The following OPRD1 variants were observed in gnomAD, a reference collection of about 807,000 sequenced individuals.
The protein encoded by OPRD1 is delta-type opioid receptor.
Under a neutral mutation model 17.5 loss-of-function variants are expected in OPRD1, and 19 were observed. The ratio of observed to expected loss-of-function variants is 1.09; its 90% CI spans 0.76 to 1.60. The LOEUF (loss-of-function observed/expected upper bound fraction) is 1.60, where lower values mean the gene tolerates loss of function less well. OPRD1 is among the 40% of genes most tolerant of loss of function. OPRD1 has a pLI of 0.00. For synonymous variants in OPRD1, 256 were observed against 240.9 expected, an observed-to-expected ratio of 1.06 and a Z score of -0.58; for missense variants, 483 against 547.2, an observed-to-expected ratio of 0.88 and a Z score of 1.17.
chr1:28,855,034 G>A (rs958921028), intron 1 of OPRD1, among the ~76,000 whole-genome samples: 1 of 152,086 alleles, frequency 6.6e-6, no homozygotes, highest in African/African-American at 2.4e-5. Flanking sequence ...TGGCTTCAGG[G>A]AACTTACATG....
At chr1:28,833,002 T>C (rs2088821506) in intron 1 of OPRD1, among the ~76,000 whole-genome samples, 1 of 152,160 alleles carries the variant, frequency 6.6e-6, no homozygotes, top group Admixed American at 6.5e-5. Context: ...AGCTGGCAGA[T>C]GGTGAGGACT....
Position 28,843,076 on chromosome 1 carries a change from C to T in OPRD1, c.228-15878C>T, listed in dbSNP as rs2088908269. 3.3e-5 allele frequency among the ~76,000 whole-genome samples: 5 copies of T among 152,140 alleles called. No homozygotes were observed. In the South Asian group the frequency reaches 1.0e-3, roughly 32 times the overall value. On this transcript the variant is annotated intron_variant, in intron 1 of 2. Transcript: ENST00000234961. ...ATGCTGCACGCTTTCACACGTGCGG[C>T]TCCTAGAAAGCATCATTACACTGAA...
intron 1 of OPRD1, among the ~76,000 whole-genome samples, chr1:28,854,563 GA>G (rs1233276821): frequency 6.6e-6 from 1 of 152,170 alleles, no homozygotes; most frequent in African/African-American, 2.4e-5. Flanking sequence ...CGTGGGTGAT[GA>G]ATTGTGGGAG....
intron 1 of OPRD1, among the ~76,000 whole-genome samples, chr1:28,817,267 A>G (rs938009526): frequency 1.3e-5 from 2 of 152,138 alleles, no homozygotes; most frequent in African/African-American, 4.8e-5. Flanking sequence ...TAATAGTACT[A>G]TCTCATAGGT....
Position 28,865,086 on chromosome 1 carries a change from T to A in OPRD1, c.*1803T>A, listed in dbSNP as rs984867663. 2 of 151,596 alleles carry A rather than the reference T, an allele frequency of 1.3e-5. No homozygotes were observed. Among genetic ancestry groups the A allele is most frequent in the African/African-American group, 4.9e-5 (2 of 41,138 alleles). The allele number at this position is 151,596 out of a possible 1,614,324, so 9.4% of individuals were successfully genotyped here. Reference sequence around the variant, plus strand: ...ATCCACCTGGAGTTGGGTGTAGAAGTTTTTCTTTTCATTGGTTCGGCATTT... The same window carrying A: ...ATCCACCTGGAGTTGGGTGTAGAAGATTTTCTTTTCATTGGTTCGGCATTT... On this transcript the variant is annotated 3_prime_UTR_variant, in exon 3 of 3. Transcript: ENST00000234961.
rs867504981 is a variant in OPRD1, at chr1:28,866,607, G to A, written c.*3324G>A. ...TCCTAAGTCACAGGGCCTGTTCGTA[G>A]TGGCAGAACTTGGGTCCCTGGAATT... On this transcript the variant is annotated 3_prime_UTR_variant, in exon 3 of 3. Coordinates refer to ENST00000234961, the MANE Select transcript of OPRD1 (RefSeq NM_000911.4). The A allele has an allele frequency of 2.0e-5, 3 of 152,210 alleles. No homozygotes were observed. The highest frequency in any genetic ancestry group is 7.2e-5 in the African/African-American group (3 of 41,440). The allele number at this position is 152,210 out of a possible 1,614,324, so 9.4% of individuals were successfully genotyped here.
intron 1 of OPRD1, among the ~76,000 whole-genome samples, chr1:28,851,864 G>GAAAA (rs71586865): frequency 2.1e-5 from 2 of 93,510 alleles, no homozygotes; most frequent in Non-Finnish European, 4.3e-5. Context: ...TCAAAAAAAA[G>GAAAA]AAAAAAAAAA....
intron 1 of OPRD1, among the ~76,000 whole-genome samples, chr1:28,850,928 G>A (rs1411255410): frequency 1.3e-5 from 2 of 151,958 alleles, no homozygotes; most frequent in African/African-American, 2.4e-5. Flanking sequence ...CTATCCAGGA[G>A]GCCCAATATC....
chr1:28,856,211 A>G (rs1225964079), intron 1 of OPRD1, among the ~76,000 whole-genome samples: 1 of 152,234 alleles, frequency 6.6e-6, no homozygotes, highest in Non-Finnish European at 1.5e-5. Context: ...ACCTTGGGTG[A>G]GTCCTGCTGC....
intron 1 of OPRD1, among the ~76,000 whole-genome samples, chr1:28,826,696 A>G (rs975587654): frequency 1.3e-5 from 2 of 152,274 alleles, no homozygotes; most frequent in African/African-American, 4.8e-5. Context: ...TCTTACCTCA[A>G]TATTGATGGC....
chr1:28,812,349 G>A lies in OPRD1; in HGVS notation c.-35G>A. The A allele has an allele frequency of 7.8e-7, 1 of 1,281,786 alleles. No homozygotes were observed. The highest frequency in any genetic ancestry group is 3.2e-5 in the East Asian group (1 of 31,542). 79.4% of individuals were successfully genotyped at this position (1,281,786 alleles called of 1,614,324 possible). On this transcript the variant is annotated 5_prime_UTR_variant, in exon 1 of 3. Transcript: ENST00000234961. ...TCGGATCCCCGCGCCCAGGGCGCAC[G>A]GTGGAGAGGGACGCGGCGGAGCCGG...
intron 1 of OPRD1, among the ~76,000 whole-genome samples, chr1:28,857,416 C>T (rs756769842): frequency 5.9e-5 from 9 of 152,110 alleles, no homozygotes; most frequent in Non-Finnish European, 1.3e-4. Context: ...TATTTTTAAA[C>T]ATATTGCTTA....
At chr1:28,846,821 T>TTTTCTTTCTTTC (rs1196638603) in intron 1 of OPRD1, among the ~76,000 whole-genome samples, 1,245 of 103,490 alleles carry the variant, frequency 0.012, 32 homozygotes, top group African/African-American at 0.026. Flanking sequence ...GCTGTTTGCA[T>TTTTCTTTCTTTC]TTTCTTTCTT....
chr1:28,850,821 AT>A, intron 1 of OPRD1, among the ~76,000 whole-genome samples: 1 of 137,208 alleles, frequency 7.3e-6, no homozygotes, highest in East Asian at 2.1e-4. Context: ...AATAATAATA[AT>A]AATAATAATA....
intron 1 of OPRD1, among the ~76,000 whole-genome samples, chr1:28,822,104 A>C (rs1013963411): frequency 6.6e-6 from 1 of 151,792 alleles, no homozygotes; most frequent in African/African-American, 2.4e-5. Context: ...GGCATGCGCC[A>C]CCATGCCCGG....
intron 1 of OPRD1, among the ~76,000 whole-genome samples, chr1:28,826,410 G>A (rs2124265040): frequency 6.6e-6 from 1 of 152,108 alleles, no homozygotes. Flanking sequence ...TGTAGTCCCA[G>A]CTACTCGGGA....
intron 2 of OPRD1, among the ~76,000 whole-genome samples, chr1:28,860,710 G>A (rs771158526): frequency 7.2e-5 from 11 of 152,174 alleles, no homozygotes; most frequent in Non-Finnish European, 1.5e-4. Flanking sequence ...ACACAGCCAG[G>A]CATTTTGTGG....
chr1:28,814,839 G>A (rs2088661053), intron 1 of OPRD1, among the ~76,000 whole-genome samples: 1 of 152,208 alleles, frequency 6.6e-6, no homozygotes, highest in African/African-American at 2.4e-5. Flanking sequence ...AACCATTTAT[G>A]TGAAAATTGT....
intron 1 of OPRD1, among the ~76,000 whole-genome samples, chr1:28,842,250 C>A (rs1351900654): frequency 6.6e-6 from 1 of 152,092 alleles, no homozygotes; most frequent in African/African-American, 2.4e-5. Flanking sequence ...AGCTGGTCTC[C>A]AACGCCTGAG....
Sources: allele counts gnomAD v4.1 joint callset (sites outside exome capture counted in the v4.1 genomes callset), GRCh38; gene constraint gnomAD v4.1.1; transcripts MANE v1.5; gene names NCBI Gene and HGNC (gene_info 2026-07-23, HGNC 2026-07-21).